PCNT: variants seen among roughly 807,000 people sequenced by gnomAD.
The protein encoded by PCNT is pericentrin.
PCNT carries 319 observed loss-of-function variants against 380.4 expected under a neutral mutation model. The ratio of observed to expected loss-of-function variants is 0.84; its 90% CI spans 0.77 to 0.92. The LOEUF (loss-of-function observed/expected upper bound fraction) is 0.92. Among genes scored for constraint, PCNT ranks in the 40% least tolerant of loss-of-function variants. PCNT has a pLI of 0.00. For synonymous variants in PCNT, 1,845 were observed against 1,735.2 expected (o/e 1.06, Z -1.57); for missense variants, 4,400 against 4,255.3 (o/e 1.03, Z -0.95).
intron 25 of PCNT, among the ~76,000 whole-genome samples, chr21:46,400,463 G>T (rs2086381459): frequency 6.7e-6 from 1 of 149,712 alleles, no homozygotes; most frequent in Non-Finnish European, 1.5e-5. Flanking sequence ...TTAGTAGTTT[G>T]GCCTCAGACA....
rs1424256010 is a variant in PCNT at position 46,401,447 on chromosome 21, C to G, written c.4792-104C>G. The G allele has an allele frequency of 5.2e-6, 5 of 960,320 alleles. No individual in the cohort carries two copies. In the East Asian group the frequency reaches 7.5e-5, roughly 14 times the overall value. 59.5% of individuals were successfully genotyped at this position (960,320 alleles called of 1,614,324 possible). A position where few individuals can be genotyped will look rare whatever the true frequency, so the allele number is the denominator to read the frequency against. On this transcript the variant is annotated intron_variant, in intron 25 of 46. Coordinates refer to ENST00000359568, the MANE Select transcript of PCNT (RefSeq NM_006031.6). Reference sequence around the variant, plus strand: ...GCAGGGGCGTGCAGGTCCACCTGCTCTGCTTCAGGTGCAGCTAAAGATGGT... The same window carrying G: ...GCAGGGGCGTGCAGGTCCACCTGCTGTGCTTCAGGTGCAGCTAAAGATGGT...
At position 46,334,431 on chromosome 21, in the gene PCNT, TG is replaced by T; in HGVS notation, c.304del (p.Glu102AsnfsTer151). On this transcript the variant is annotated frameshift_variant, in exon 3 of 47. Coordinates refer to ENST00000359568, the MANE Select transcript of PCNT (RefSeq NM_006031.6). LOFTEE classifies it high-confidence loss of function. Reference sequence around the variant, plus strand: ...TGTGATGGAGAGAAGAGAGAGGACTTGGAACAGCTGCAGCAGAAGCAAGTCA... The same window carrying T: ...TGTGATGGAGAGAAGAGAGAGGACTTGAACAGCTGCAGCAGAAGCAAGTCA... ...EDCDGEKREDLEQLQQKQVND... is the reference protein window; with the variant it reads ...EDCDGEKREDXEQLQQKQVND... 6.2e-7 allele frequency: 1 copy of T among 1,614,202 alleles called. No individual in the cohort carries two copies. Among genetic ancestry groups the T allele is most frequent in the Non-Finnish European group, 8.5e-7 (1 of 1,180,032 alleles).
intron 3 of PCNT, among the ~76,000 whole-genome samples, chr21:46,342,690 G>A (rs2083943889): frequency 6.6e-6 from 1 of 151,976 alleles, no homozygotes; most frequent in African/African-American, 2.4e-5. Flanking sequence ...ACAGGCATGT[G>A]CCACCACGCC....
intron 27 of PCNT, among the ~76,000 whole-genome samples, chr21:46,408,486 C>T (rs950384429): frequency 6.6e-6 from 1 of 152,210 alleles, no homozygotes; most frequent in African/African-American, 2.4e-5. Flanking sequence ...AAACTGTTTT[C>T]TATAGTTGCA....
Position 46,411,590 on chromosome 21 carries a change from G to T in PCNT, c.5517G>T (p.Glu1839Asp). Reference protein sequence around the residue: ...EAAELQLAELERNVALREAEV... With the variant: ...EAAELQLAELDRNVALREAEV... ...CGGAGCTACAGCTGGCTGAGCTGGAGCGCAATGTAGCCCTCAGGGAGGCTG... is the reference window on the plus strand; with the variant it reads ...CGGAGCTACAGCTGGCTGAGCTGGATCGCAATGTAGCCCTCAGGGAGGCTG... Residue 1839 changes from glutamate to aspartate, a missense_variant, in exon 28 of 47, where the codon GAG becomes GAT. By Grantham distance (45) the Glu-to-Asp change is conservative. Transcript: ENST00000359568. The T allele has an allele frequency of 6.2e-7, 1 of 1,613,038 alleles. No individual in the cohort carries two copies. The highest frequency in any genetic ancestry group is 8.5e-7 in the Non-Finnish European group (1 of 1,179,842).
rs979435741 is a variant in PCNT, at chr21:46,401,649, G to A, written c.4890G>A (p.Ser1630=). The A allele has an allele frequency of 6.2e-6, 10 of 1,613,772 alleles. No individual in the cohort carries two copies. The highest frequency in any genetic ancestry group is 2.7e-5 in the African/African-American group (2 of 74,824). Residue 1630 remains serine, a synonymous_variant, in exon 26 of 47, where the codon TCG becomes TCA. Transcript: ENST00000359568. The part of the protein sequence containing the change: ...LDAGRCPEPP[S]GSPPEGPEIQ... ...CAGGCAGATGTCCCGAGCCTCCTTC[G>A]GGCAGCCCTCCTGAGGGTCCAGAAA... is the stretch of plus-strand genomic sequence containing the variant.
At position 46,326,412 on chromosome 21, in the gene PCNT, C is replaced by T. The variant is rs369382020; in HGVS notation, c.90C>T (p.Asp30=). Residue 30 remains aspartate, a synonymous_variant, in exon 2 of 47, where the codon GAC becomes GAT. Coordinates refer to ENST00000359568, the MANE Select transcript of PCNT (RefSeq NM_006031.6). ...AHFRQRKTKG[D]SSHSEKKTAK... is the part of the protein sequence containing the mutation. Reference sequence around the variant, plus strand: ...TCCGACAGAGAAAAACAAAAGGTGACAGTTCGCATTCGGAGAAAAAGACGG... The same window carrying T: ...TCCGACAGAGAAAAACAAAAGGTGATAGTTCGCATTCGGAGAAAAAGACGG... 51 of 1,614,098 alleles carry T rather than the reference C, an allele frequency of 3.2e-5. No individual in the cohort carries two copies. The African/African-American group carries it at 6.5e-4, about 21-fold the overall frequency.
At chr21:46,426,095 T>TTC (rs2087491180) in intron 33 of PCNT, 124 bp downstream of exon 33, 6 of 934,116 alleles carry the variant, frequency 6.4e-6, no homozygotes, top group South Asian at 1.6e-5. Context: ...TTTTTTTTTT[T>TTC]TGAGACTCGG....
intron 13 of PCNT, among the ~76,000 whole-genome samples, chr21:46,362,746 T>A (rs2084764152): frequency 6.6e-6 from 1 of 151,888 alleles, no homozygotes; most frequent in South Asian, 2.1e-4. Flanking sequence ...GAGTTCAAGA[T>A]CAGCCTGGGC....
chr21:46,334,492 A>C lies in PCNT; in HGVS notation c.363A>C (p.Thr121=), dbSNP rs150766997. ...DHPPEQCGMF[T]VSDHPPEQHG... is the part of the protein sequence containing the mutation. ...CTCCAGAGCAGTGTGGGATGTTCAC[A>C]GTCAGTGACCACCCACCAGAACAGC... The change falls in exon 3 of 47, where the codon ACA becomes ACC. Residue 121 remains threonine, a synonymous_variant. Coordinates refer to ENST00000359568, the MANE Select transcript of PCNT (RefSeq NM_006031.6). 4.2e-5 allele frequency: 67 copies of C among 1,612,770 alleles called. No homozygotes were observed. The highest frequency in any genetic ancestry group is 5.5e-5 in the Non-Finnish European group (65 of 1,179,072).
intron 26 of PCNT, among the ~76,000 whole-genome samples, chr21:46,401,957 T>C (rs2086443867): frequency 6.6e-6 from 1 of 152,208 alleles, no homozygotes; most frequent in African/African-American, 2.4e-5. Flanking sequence ...TTCAAGCGAT[T>C]CTCCTGCCTC....
chr21:46,382,297 G>A (rs2085583116), intron 16 of PCNT, among the ~76,000 whole-genome samples: 1 of 147,772 alleles, frequency 6.8e-6, no homozygotes, highest in African/African-American at 2.5e-5. Flanking sequence ...TCATGGTGTT[G>A]TGCATTCAGT....
intron 38 of PCNT, among the ~76,000 whole-genome samples, chr21:46,434,573 G>A (rs967207637): frequency 6.6e-6 from 1 of 152,232 alleles, no homozygotes; most frequent in Non-Finnish European, 1.5e-5. Flanking sequence ...TTGCCCCATC[G>A]TGCAGTAGAC....
At chr21:46,406,220 A>G (rs912560695) in intron 27 of PCNT, among the ~76,000 whole-genome samples, 49 of 152,220 alleles carry the variant, frequency 3.2e-4, no homozygotes, top group African/African-American at 9.9e-4. Context: ...GGCTCCAGCC[A>G]TCCTAACACC....
chr21:46,387,269 A>G (rs118157860), intron 17 of PCNT, among the ~76,000 whole-genome samples: 1 of 151,692 alleles, frequency 6.6e-6, no homozygotes, highest in South Asian at 2.1e-4. Context: ...AAGTTTTGTG[A>G]TTTTTCTGTG....
At chr21:46,435,842 G>A (rs752016009) in intron 38 of PCNT, 62 bp from the exon 39 acceptor site, 332 of 1,608,400 alleles carry the variant, frequency 2.1e-4, no homozygotes, top group Admixed American at 3.2e-4. Flanking sequence ...GCGCCCGGCC[G>A]GCAGTTTTGT....
Position 46,427,772 on chromosome 21 carries a change from C to T in PCNT, c.7471C>T (p.Leu2491=), listed in dbSNP as rs768673120. The T allele has an allele frequency of 1.9e-6, 3 of 1,613,664 alleles. No homozygotes were observed. In the South Asian group the frequency reaches 3.3e-5, roughly 18 times the overall value. The part of the protein sequence containing the change: ...LGGHSSLLER[L]EKIIREQGDL... ...GGGTCACAGCTCCCTGCTCGAAAGG[C>T]TGGAGAAGATCATCCGTGAGCAGGT... Residue 2491 remains leucine, a synonymous_variant, in exon 34 of 47, where the codon CTG becomes TTG. Coordinates refer to ENST00000359568, the MANE Select transcript of PCNT (RefSeq NM_006031.6).
Position 46,399,757 on chromosome 21 carries a change from A to T in PCNT, c.4752A>T (p.Glu1584Asp). ...IRKKVAQLQE[E>D]VEKQKNIVKG... ...AAAAAGTGGCCCAGCTCCAGGAAGA[A>T]GTGGAAAAACAGAAAAACATCGTGA... Residue 1584 changes from glutamate (E) to aspartate (D), a missense_variant, in exon 25 of 47, where the codon GAA becomes GAT. Physicochemically the swap from Glu to Asp is conservative, Grantham distance 45. Coordinates refer to ENST00000359568, the MANE Select transcript of PCNT (RefSeq NM_006031.6). The T allele has an allele frequency of 6.2e-7, 1 of 1,614,144 alleles. No homozygotes were observed. The highest frequency in any genetic ancestry group is 8.5e-7 in the Non-Finnish European group (1 of 1,180,006).
chr21:46,368,849 A>G (rs1259561320), intron 15 of PCNT, among the ~76,000 whole-genome samples: 1 of 152,266 alleles, frequency 6.6e-6, no homozygotes, highest in African/African-American at 2.4e-5. Context: ...GTTCCAAACT[A>G]TAAACGAGGG....
Sources: gnomAD v4.1 joint callset for allele counts (sites outside exome capture counted in the v4.1 genomes callset) on GRCh38, gnomAD v4.1.1 for gene constraint, MANE v1.5 for transcripts, NCBI Gene and HGNC (gene_info 2026-07-23, HGNC 2026-07-21) for gene names.